AFAP1L2: variants seen among roughly 807,000 people sequenced by gnomAD.
The protein encoded by AFAP1L2 is actin filament-associated protein 1-like 2.
Under a neutral mutation model 99.3 loss-of-function variants are expected in AFAP1L2, and 46 were observed. The observed-to-expected ratio is 0.46, with a 90% CI of 0.37 to 0.59. AFAP1L2 has a LOEUF of 0.59. AFAP1L2 is among the 20% of genes least tolerant of loss of function. The probability of loss-of-function intolerance (pLI) is 0.00; values close to 1 mark genes in which losing one functional copy is unlikely to be tolerated. For missense variants in AFAP1L2, 959 were observed against 1,034.9 expected (o/e 0.93, Z 1.01); for synonymous variants, 397 against 419.1 (o/e 0.95, Z 0.64).
intron 1 of AFAP1L2, chr10:114,363,126 A>T: frequency 7.1e-6 from 7 of 985,418 alleles, no homozygotes; most frequent in Non-Finnish European, 8.4e-6. Flanking sequence ...GTCATCTTGC[A>T]GGAGCAGGTT....
chr10:114,390,708 G>C (rs905812332), intron 1 of AFAP1L2, among the ~76,000 whole-genome samples: 1 of 128,442 alleles, frequency 7.8e-6, no homozygotes, highest in Admixed American at 8.1e-5. Context: ...ACAACAGGGC[G>C]AGACTCTGTC....
intron 5 of AFAP1L2, among the ~76,000 whole-genome samples, chr10:114,316,737 CGATT>C (rs2044207801): frequency 6.6e-6 from 1 of 152,188 alleles, no homozygotes; most frequent in Non-Finnish European, 1.5e-5. Flanking sequence ...ATCTGTCCAT[CGATT>C]GATTGATCTA....
intron 1 of AFAP1L2, among the ~76,000 whole-genome samples, chr10:114,393,264 C>T (rs780502604): frequency 1.5e-4 from 23 of 152,178 alleles, no homozygotes; most frequent in Non-Finnish European, 3.2e-4. Flanking sequence ...CTGCTTAGCA[C>T]AAGAGGCTTT....
At chr10:114,284,804 A>G in the AFAP1L2 span, 1 of 1,504,210 alleles carries the variant, frequency 6.6e-7, no homozygotes, top group African/African-American at 1.4e-5. Context: ...ACCTCTGGCC[A>G]GTCCTCTCCA....
intron 13 of AFAP1L2, among the ~76,000 whole-genome samples, 179 bp downstream of exon 13, chr10:114,301,175 C>A (rs2041109820): frequency 1.3e-5 from 2 of 152,266 alleles, no homozygotes; most frequent in Non-Finnish European, 2.9e-5. Context: ...AACTGCACAG[C>A]CTCACATATA....
rs145867381 is a variant in AFAP1L2 at position 114,369,852 on chromosome 10, G to A, written c.17-29121C>T. 6.9e-4 allele frequency among the ~76,000 whole-genome samples: 105 copies of A among 152,242 alleles called. 3 individuals are homozygous for A. The East Asian group carries it at 0.018, about 27-fold the overall frequency. On this transcript the variant is annotated intron_variant, in intron 1 of 18. Transcript: ENST00000304129. ...TACCAGATAAAACCTTTGCACTTCA[G>A]TCCAAAACCAGTGACCACACCCAAC...
chr10:114,302,357 G>C lies in AFAP1L2; in HGVS notation c.1412C>G (p.Ala471Gly). 6.2e-7 allele frequency: 1 copy of C among 1,614,156 alleles called. No individual in the cohort carries two copies. The highest frequency in any genetic ancestry group is 8.5e-7 in the Non-Finnish European group (1 of 1,180,022). Residue 471 changes from alanine to glycine, a missense_variant, in exon 12 of 19, where the codon GCG (alanine) becomes GGG (glycine). Ala to Gly is a moderately conservative substitution (Grantham distance 60, BLOSUM62 0). Coordinates refer to ENST00000304129, the MANE Select transcript of AFAP1L2 (RefSeq NM_001001936.3). ...TACTCACAAGAGAGAGTTTTTGGCCGCACTCACAATACAGGAGACCCTATC... is the reference window on the plus strand; with the variant it reads ...TACTCACAAGAGAGAGTTTTTGGCCCCACTCACAATACAGGAGACCCTATC... ...DADRVSCIVS[A>G]AKNSLLLMQR...
chr10:114,399,712 G>A (rs1022575060), intron 1 of AFAP1L2, among the ~76,000 whole-genome samples: 3 of 152,230 alleles, frequency 2.0e-5, no homozygotes, highest in Admixed American at 1.3e-4. Context: ...ATGGCCTACG[G>A]CATTCTCTTT....
chr10:114,334,466 A>G (rs906915191), intron 2 of AFAP1L2, among the ~76,000 whole-genome samples: 1 of 152,228 alleles, frequency 6.6e-6, no homozygotes, highest in African/African-American at 2.4e-5. Context: ...TGGCGAAGGA[A>G]GCAGTTCAGT....
chr10:114,284,314 C>T, the AFAP1L2 span, among the ~76,000 whole-genome samples: 1 of 152,158 alleles, frequency 6.6e-6, no homozygotes, highest in Non-Finnish European at 1.5e-5. Context: ...ATTTAATCCT[C>T]ACAATAACCC....
chr10:114,379,092 A>G (rs2055218576), intron 1 of AFAP1L2, among the ~76,000 whole-genome samples: 1 of 152,132 alleles, frequency 6.6e-6, no homozygotes, highest in Non-Finnish European at 1.5e-5. Context: ...GGGTGCCCAT[A>G]ATCCCAGCTA....
At chr10:114,365,334 C>A (rs2053064842) in intron 1 of AFAP1L2, among the ~76,000 whole-genome samples, 1 of 152,168 alleles carries the variant, frequency 6.6e-6, no homozygotes, top group African/African-American at 2.4e-5. Flanking sequence ...TCTTGGTGAT[C>A]CCTGGGCACC....
intron 2 of AFAP1L2, among the ~76,000 whole-genome samples, chr10:114,339,372 G>T (rs1007292922): frequency 6.6e-6 from 1 of 152,200 alleles, no homozygotes; most frequent in Non-Finnish European, 1.5e-5. Context: ...GCGTGAACCC[G>T]GAAGGCGGAG....
In AFAP1L2 at chr10:114,296,856, G is replaced by C. The variant is rs557588672; in HGVS notation, c.2430+122C>G. ...CAAAGCCATGGCCACTCCTTGGTGA[G>C]TGCCGAGCCCTTGCTCAGAGCTGGT... On this transcript the variant is annotated intron_variant, in intron 18 of 18. Coordinates refer to ENST00000304129, the MANE Select transcript of AFAP1L2 (RefSeq NM_001001936.3). 6.3e-5 allele frequency: 96 copies of C among 1,531,372 alleles called. 2 individuals carry two copies. The South Asian group carries it at 1.0e-3, about 16-fold the overall frequency. 94.9% of individuals were successfully genotyped at this position (1,531,372 alleles called of 1,614,324 possible).
At chr10:114,374,097 T>C (rs494975) in intron 1 of AFAP1L2, among the ~76,000 whole-genome samples, 138,922 of 151,992 alleles carry the variant, frequency 0.91, 64,500 homozygotes, top group East Asian at 1. Context: ...ACTCTGCGAG[T>C]CCAACCCATT....
chr10:114,390,590 ACG>A (rs1306464906), intron 1 of AFAP1L2, among the ~76,000 whole-genome samples: 41 of 152,128 alleles, frequency 2.7e-4, no homozygotes, highest in Middle Eastern at 6.8e-3. Context: ...GCATGGTGGC[ACG>A]CACCTGTAAT....
chr10:114,297,753 G>C (rs1318292762), intron 16 of AFAP1L2, among the ~76,000 whole-genome samples: 2 of 152,088 alleles, frequency 1.3e-5, no homozygotes, highest in Non-Finnish European at 2.9e-5. Context: ...GGCCCATGGA[G>C]GAGGGCTGGG....
rs2040741145 is a variant in AFAP1L2, at chr10:114,299,274, A to C, written c.2099T>G (p.Leu700Arg). 1.2e-6 allele frequency: 2 copies of C among 1,614,092 alleles called. No individual in the cohort carries two copies. Among genetic ancestry groups the C allele is most frequent in the African/African-American group, 1.3e-5 (1 of 74,938 alleles). The stretch of plus-strand genomic sequence containing the variant: ...GGCCCCCTTACCTGTGCATTTCAGT[A>C]GGGTTTCCTTTAGCTCCCGTTTCTC... ...RKEKRELKET[L>R]LKCTDKEVLA... The change falls in exon 16 of 19, where the codon CTA becomes CGA. Residue 700 changes from leucine (L) to arginine (R), a missense_variant. Around this residue, in one of 2 missense-constraint regions of AFAP1L2, gnomAD observed 576 missense variants for 562.1 expected, o/e 1.02. Coordinates refer to ENST00000304129, the MANE Select transcript of AFAP1L2 (RefSeq NM_001001936.3).
chr10:114,284,982 C>A, the AFAP1L2 span: 3 of 1,578,396 alleles, frequency 1.9e-6, no homozygotes, highest in Admixed American at 3.7e-5. Flanking sequence ...TAGGTATGCA[C>A]CGGCCCTGCA....
Sources: allele counts gnomAD v4.1 joint callset (sites outside exome capture counted in the v4.1 genomes callset), GRCh38; gene constraint gnomAD v4.1.1; regional missense constraint gnomAD v4.1.1; transcripts MANE v1.5; gene names NCBI Gene and HGNC (gene_info 2026-07-23, HGNC 2026-07-21).